Variants in AFF3 observed in about 807,000 individuals in gnomAD.
AFF3 encodes the protein AF4/FMR2 family member 3.
In AFF3, 32 loss-of-function variants were observed where a neutral mutation model predicts 129.7. The ratio of observed to expected loss-of-function variants is 0.25; its 90% CI spans 0.19 to 0.33. AFF3 has a LOEUF of 0.33. Among genes scored for constraint, AFF3 ranks in the 10% least tolerant of loss-of-function variants. AFF3 has a pLI of 1.00. For synonymous variants in AFF3, 644 were observed against 635.4 expected (o/e 1.01, Z -0.20); for missense variants, 1,373 against 1,592.0 (o/e 0.86, Z 2.34).
At chr2:100,069,430 T>C (rs1313938457) in intron 4 of AFF3, among the ~76,000 whole-genome samples, 1 of 152,198 alleles carries the variant, frequency 6.6e-6, no homozygotes, top group Non-Finnish European at 1.5e-5. Flanking sequence ...ATTTGTAAAA[T>C]AGGAAACATG....
chr2:99,787,006 G>T (rs984150930), intron 8 of AFF3, among the ~76,000 whole-genome samples: 8 of 152,130 alleles, frequency 5.3e-5, no homozygotes, highest in Admixed American at 2.0e-4. Context: ...ATTAAAATCA[G>T]CCAGTGTTCA....
intron 13 of AFF3, among the ~76,000 whole-genome samples, chr2:99,638,225 A>G (rs914540470): frequency 6.6e-6 from 1 of 151,918 alleles, no homozygotes; most frequent in Non-Finnish European, 1.5e-5. Flanking sequence ...ACACCCGACT[A>G]ATTTTTGTAT....
In AFF3 at chr2:99,593,818, C is replaced by T. The variant is rs777546245; in HGVS notation, c.1843G>A (p.Gly615Arg). The T allele has an allele frequency of 6.2e-7, 1 of 1,608,504 alleles. No homozygotes were observed. Among genetic ancestry groups the T allele is most frequent in the Non-Finnish European group, 8.5e-7 (1 of 1,178,240 alleles). Reference protein sequence around the residue: ...PEEPAAADALGTSVVVPPEPT... With the variant: ...PEEPAAADALRTSVVVPPEPT... ...TCCGGGGGGACCACCACGCTCGTCCCCAGCGCGTCCGCGGCCGCGGGCTCC... is the reference window on the plus strand; with the variant it reads ...TCCGGGGGGACCACCACGCTCGTCCTCAGCGCGTCCGCGGCCGCGGGCTCC... The change falls in exon 15 of 25, where the codon GGG becomes AGG. Residue 615 changes from glycine to arginine, a missense_variant. By Grantham distance (125) the Gly-to-Arg change is moderately radical. Around this residue, in one of 9 missense-constraint regions of AFF3, gnomAD observed 466 missense variants for 505.0 expected, o/e 0.92. Coordinates refer to ENST00000672756, the MANE Select transcript of AFF3 (RefSeq NM_001386135.1).
intron 4 of AFF3, among the ~76,000 whole-genome samples, chr2:100,102,687 G>A (rs62149352): frequency 0.5 from 52,225 of 103,934 alleles, 13,853 homozygotes; most frequent in African/African-American, 0.6. Flanking sequence ...AAGGGGGTTC[G>A]CTTTGAGTCA....
At chr2:99,908,901 G>A (rs1459281050) in intron 7 of AFF3, among the ~76,000 whole-genome samples, 1 of 152,294 alleles carries the variant, frequency 6.6e-6, no homozygotes, top group South Asian at 2.1e-4. Flanking sequence ...TTCAACCATT[G>A]TGGAAGTCGG....
chr2:99,615,550 C>T (rs1228731878), intron 13 of AFF3, among the ~76,000 whole-genome samples: 1 of 152,238 alleles, frequency 6.6e-6, no homozygotes, highest in Non-Finnish European at 1.5e-5. Context: ...TGCCATGTGG[C>T]CTGGGCCCAG....
intron 11 of AFF3, among the ~76,000 whole-genome samples, chr2:99,688,983 A>G (rs979916399): frequency 2.6e-5 from 4 of 152,076 alleles, no homozygotes; most frequent in African/African-American, 9.7e-5. Flanking sequence ...CTGGAATCCA[A>G]CGAGCACCCA....
At chr2:99,984,430 G>C (rs993892844) in intron 7 of AFF3, among the ~76,000 whole-genome samples, 5 of 152,138 alleles carry the variant, frequency 3.3e-5, no homozygotes, top group Admixed American at 6.6e-5. Flanking sequence ...ATATTGAGAG[G>C]AAATAAATAT....
chr2:100,070,465 T>C (rs891742866), intron 4 of AFF3, among the ~76,000 whole-genome samples: 4 of 152,232 alleles, frequency 2.6e-5, no homozygotes, highest in South Asian at 2.1e-4. Context: ...ATGACTGAGA[T>C]GCAATCATAG....
At chr2:99,719,088 G>T (rs1678653552) in intron 11 of AFF3, among the ~76,000 whole-genome samples, 1 of 119,470 alleles carries the variant, frequency 8.4e-6, no homozygotes, top group Non-Finnish European at 1.7e-5. Flanking sequence ...GCCATCATTA[G>T]AATAAATAAG....
intron 1 of AFF3, among the ~76,000 whole-genome samples, chr2:100,136,816 T>C (rs1692657614): frequency 1.3e-5 from 2 of 152,190 alleles, no homozygotes; most frequent in African/African-American, 4.8e-5. Context: ...AAATAAAAAT[T>C]GGTTTCCTGA....
chr2:99,560,327 G>A, intron 21 of AFF3, 38 bp downstream of exon 21: 1 of 1,605,244 alleles, frequency 6.2e-7, no homozygotes, highest in Non-Finnish European at 8.5e-7. Context: ...TGGCATGCGA[G>A]GCTGGGGCTG....
At chr2:99,838,053 T>G (rs563393124) in intron 7 of AFF3, among the ~76,000 whole-genome samples, 2 of 152,290 alleles carry the variant, frequency 1.3e-5, no homozygotes, top group African/African-American at 4.8e-5. Context: ...ATCCTCTGGA[T>G]GTTGGACTGG....
intron 15 of AFF3, among the ~76,000 whole-genome samples, chr2:99,592,775 A>G (rs1042417427): frequency 6.6e-6 from 1 of 152,090 alleles, no homozygotes; most frequent in Admixed American, 6.5e-5. Flanking sequence ...CTTTACTAAA[A>G]ATACAAAAAA....
intron 4 of AFF3, among the ~76,000 whole-genome samples, chr2:100,033,750 A>G (rs1341053857): frequency 6.6e-6 from 1 of 152,214 alleles, no homozygotes; most frequent in Non-Finnish European, 1.5e-5. Flanking sequence ...CTAAGAATTC[A>G]TCACGATTAA....
chr2:99,651,347 T>G (rs1685232898), intron 12 of AFF3, among the ~76,000 whole-genome samples: 1 of 152,152 alleles, frequency 6.6e-6, no homozygotes, highest in East Asian at 1.9e-4. Flanking sequence ...AAGTCATGAC[T>G]GGGGAGGTCA....
intron 4 of AFF3, among the ~76,000 whole-genome samples, chr2:100,044,924 C>T (rs780232638): frequency 1.3e-5 from 2 of 151,998 alleles, no homozygotes; most frequent in African/African-American, 2.4e-5. Flanking sequence ...CAGACCATCA[C>T]GTCAAGCAGA....
chr2:100,073,496 C>T (rs984273231), intron 4 of AFF3, among the ~76,000 whole-genome samples: 1 of 152,208 alleles, frequency 6.6e-6, no homozygotes, highest in African/African-American at 2.4e-5. Context: ...AGGTGACACA[C>T]ACCTGCTGTT....
intron 13 of AFF3, among the ~76,000 whole-genome samples, chr2:99,637,852 T>C (rs900635551): frequency 1.3e-5 from 2 of 152,256 alleles, no homozygotes; most frequent in African/African-American, 4.8e-5. Flanking sequence ...ATAAGTTAAA[T>C]GAACCATTAT....
Sources: gnomAD v4.1 joint callset for allele counts (sites outside exome capture counted in the v4.1 genomes callset) on GRCh38, gnomAD v4.1.1 for gene constraint, gnomAD v4.1.1 regional missense constraint, MANE v1.5 for transcripts, NCBI Gene and HGNC (gene_info 2026-07-23, HGNC 2026-07-21) for gene names.